Variants in C16orf87 observed in about 807,000 individuals in gnomAD.
The protein encoded by C16orf87 is HDAC and MIER1 interacting protein 1, also known as UPF0547 protein C16orf87.
In C16orf87, 13 loss-of-function variants were observed where a neutral mutation model predicts 21.0. The ratio of observed to expected loss-of-function variants is 0.62; its 90% confidence interval spans 0.40 to 0.98. The LOEUF (loss-of-function observed/expected upper bound fraction) is 0.98, where lower values mean the gene tolerates loss of function less well. C16orf87 is among the 50% of genes least tolerant of loss of function. The probability of loss-of-function intolerance (pLI) is 0.00; values close to 1 mark genes in which losing one functional copy is unlikely to be tolerated. For missense variants in C16orf87, 113 were observed against 180.4 expected (o/e 0.63, Z 2.14); for synonymous variants, 49 against 60.2 (o/e 0.81, Z 0.86).
chr16:46,830,990 G>A (rs750084362), intron 1 of C16orf87, 94 bp downstream of exon 1: 12 of 976,740 alleles, frequency 1.2e-5, no homozygotes, highest in African/African-American at 1.7e-5. Flanking sequence ...TCTGCCCACC[G>A]CTCGGCCTCC....
In C16orf87 at chr16:46,796,889, A is replaced by G. The variant is rs1967622403; in HGVS notation, c.*6063T>C. ...ACACATTTAAGCTCAACAAATCCCA[A>G]AGAGAATAAATTCAAACACCCGGGC... On this transcript the variant is annotated 3_prime_UTR_variant, in exon 4 of 4. Transcript: ENST00000285697. The G allele has an allele frequency of 6.6e-6, 1 of 152,228 alleles. No individual in the cohort carries two copies. The highest frequency in any genetic ancestry group is 2.4e-5 in the African/African-American group (1 of 41,462). The allele number at this position is 152,228 out of a possible 1,614,324, so 9.4% of individuals were successfully genotyped here.
intron 3 of C16orf87, among the ~76,000 whole-genome samples, chr16:46,806,911 A>T (rs1041961272): frequency 4.6e-5 from 7 of 152,224 alleles, no homozygotes; most frequent in African/African-American, 1.7e-4. Flanking sequence ...TGGTTAAAAT[A>T]AAGTTAAAGC....
In C16orf87 at chr16:46,801,360, C is replaced by CAA. The variant is rs35608486; in HGVS notation, c.*1590_*1591dup. The CAA allele has an allele frequency of 6.1e-3, 889 of 146,840 alleles. 5 individuals are homozygous for CAA. The highest frequency in any genetic ancestry group is 0.011 in the Middle Eastern group (3 of 282). The allele number at this position is 146,840 out of a possible 1,614,324, so 9.1% of individuals were successfully genotyped here. A position where few individuals can be genotyped will look rare whatever the true frequency, so the allele number is the denominator to read the frequency against. On this transcript the variant is annotated 3_prime_UTR_variant, in exon 4 of 4. Coordinates refer to ENST00000285697, the MANE Select transcript of C16orf87 (RefSeq NM_001001436.4). ...GAGACCCCATCTGTACTAAAAAATA[C>CAA]AAAAAAAAAAACAGCCAGGCGTGGT...
chr16:46,830,548 A>C (rs1321396322), intron 1 of C16orf87: 1 of 152,622 alleles, frequency 6.6e-6, no homozygotes, highest in African/African-American at 2.4e-5. Flanking sequence ...AATTCGCCGA[A>C]ACTCAAAATC....
intron 3 of C16orf87, among the ~76,000 whole-genome samples, chr16:46,806,049 G>A (rs568322378): frequency 2.5e-4 from 38 of 152,136 alleles, no homozygotes; most frequent in Admixed American, 6.5e-4. Context: ...AACAGTCCTG[G>A]TGGGCTACTC....
chr16:46,824,242 T>G, intron 2 of C16orf87, 144 bp downstream of exon 2: 1 of 567,092 alleles, frequency 1.8e-6, no homozygotes, highest in East Asian at 3.3e-5. Flanking sequence ...CGTCGTAAAC[T>G]AATTCCAATA....
chr16:46,813,447 C>T (rs150684774), intron 2 of C16orf87, among the ~76,000 whole-genome samples: 40 of 150,162 alleles, frequency 2.7e-4, no homozygotes, highest in African/African-American at 9.1e-4. Flanking sequence ...CCCAGTCAAA[C>T]CTATTCTCTA....
intron 1 of C16orf87, among the ~76,000 whole-genome samples, chr16:46,827,856 T>C (rs1259851762): frequency 6.6e-6 from 1 of 151,562 alleles, no homozygotes; most frequent in Admixed American, 6.6e-5. Flanking sequence ...GTGCTGGGAT[T>C]ACAGGTGTGA....
chr16:46,819,545 G>A lies in C16orf87; in HGVS notation c.163+4841C>T, dbSNP rs1350873958. Among the ~76,000 whole-genome samples, 10 of 151,262 alleles carry A rather than the reference G, an allele frequency of 6.6e-5. No homozygotes were observed. In the South Asian group the frequency reaches 1.3e-3, roughly 19 times the overall value. On this transcript the variant is annotated intron_variant, in intron 2 of 3. Coordinates refer to ENST00000285697, the MANE Select transcript of C16orf87 (RefSeq NM_001001436.4). ...GGCTGGTCTCAAACTCCTGACCTCA[G>A]ATGATCCGCCCGCCTCAGTCTCCTA...
chr16:46,831,157 T>C lies in C16orf87; in HGVS notation c.-8A>G. ...GGCTCGAGTTGCAGACATGCTCCTC[T>C]CCCTTAGCGGCGGCAGCAGCGACGG... On this transcript the variant is annotated 5_prime_UTR_variant, in exon 1 of 4. Transcript: ENST00000285697. 6.4e-7 allele frequency: 1 copy of C among 1,565,948 alleles called. No individual in the cohort carries two copies. The highest frequency in any genetic ancestry group is 8.7e-7 in the Non-Finnish European group (1 of 1,153,254).
intron 1 of C16orf87, among the ~76,000 whole-genome samples, chr16:46,827,059 GACTA>G (rs1395985599): frequency 6.6e-6 from 1 of 152,138 alleles, no homozygotes; most frequent in Non-Finnish European, 1.5e-5. Context: ...CACAAACACT[GACTA>G]ACTGAATTAA....
At chr16:46,816,103 A>G (rs1465392538) in intron 2 of C16orf87, among the ~76,000 whole-genome samples, 2 of 152,228 alleles carry the variant, frequency 1.3e-5, no homozygotes, top group Admixed American at 6.5e-5. Context: ...AACCTTGAGG[A>G]CACTGTGTTA....
At chr16:46,831,015 GC>G in intron 1 of C16orf87, 68 bp downstream of exon 1, 6 of 1,293,282 alleles carry the variant, frequency 4.6e-6, no homozygotes, top group South Asian at 2.7e-5. Flanking sequence ...GCCCGGCGAG[GC>G]CCCCCTCCAC....
At chr16:46,812,870 T>G (rs574349372) in intron 2 of C16orf87, among the ~76,000 whole-genome samples, 1 of 152,322 alleles carries the variant, frequency 6.6e-6, no homozygotes, top group East Asian at 1.9e-4. Flanking sequence ...CTTACCATCT[T>G]ACACCATCTC....
At chr16:46,824,254 T>C in intron 2 of C16orf87, 132 bp downstream of exon 2, 1 of 580,268 alleles carries the variant, frequency 1.7e-6, no homozygotes, top group Non-Finnish European at 3.1e-6. Flanking sequence ...ATTCCAATAG[T>C]TAATAAAAGC....
intron 2 of C16orf87, among the ~76,000 whole-genome samples, chr16:46,812,849 T>C (rs1002350159): frequency 6.6e-6 from 1 of 152,194 alleles, no homozygotes; most frequent in Non-Finnish European, 1.5e-5. Flanking sequence ...CAAATCTTAA[T>C]AGACACCTCA....
At chr16:46,805,626 G>A (rs913097941) in intron 3 of C16orf87, among the ~76,000 whole-genome samples, 1 of 152,048 alleles carries the variant, frequency 6.6e-6, no homozygotes, top group African/African-American at 2.4e-5. Flanking sequence ...TATAATAGAT[G>A]CTTTCTTCCA....
At chr16:46,821,950 C>A (rs2143145684) in intron 2 of C16orf87, among the ~76,000 whole-genome samples, 1 of 152,324 alleles carries the variant, frequency 6.6e-6, no homozygotes, top group Admixed American at 6.5e-5. Flanking sequence ...TCTCTTTTAA[C>A]TAGCAATCCA....
In C16orf87 at chr16:46,830,740, C is replaced by G. The variant is rs1040021302; in HGVS notation, c.66+344G>C. 9 of 218,264 alleles carry G rather than the reference C, an allele frequency of 4.1e-5. No individual in the cohort carries two copies. In the South Asian group the frequency reaches 7.0e-4, roughly 17 times the overall value. 13.5% of individuals were successfully genotyped at this position (218,264 alleles called of 1,614,324 possible). A position where few individuals can be genotyped will look rare whatever the true frequency, so the allele number is the denominator to read the frequency against. On this transcript the variant is annotated intron_variant, in intron 1 of 3. Coordinates refer to ENST00000285697, the MANE Select transcript of C16orf87 (RefSeq NM_001001436.4). Reference sequence around the variant, plus strand: ...GGCACACTCTCGCCGGGGCTGCGGCCCGCAGGCTCCCACCGCTGTCACCGC... The same window carrying G: ...GGCACACTCTCGCCGGGGCTGCGGCGCGCAGGCTCCCACCGCTGTCACCGC...
Sources: gnomAD v4.1 joint callset for allele counts (sites outside exome capture counted in the v4.1 genomes callset) on GRCh38, gnomAD v4.1.1 for gene constraint, MANE v1.5 for transcripts, NCBI Gene and HGNC (gene_info 2026-07-23, HGNC 2026-07-21) for gene names.